OTUB2: variants seen among roughly 807,000 people sequenced by gnomAD.
OTUB2 encodes ubiquitin thioesterase OTUB2.
Under a neutral mutation model 25.1 loss-of-function variants are expected in OTUB2, and 21 were observed. That is an observed-to-expected ratio of 0.84 (90% CI 0.59 to 1.21). OTUB2 has a LOEUF of 1.21. Among genes scored for constraint, OTUB2 ranks in the 50% most tolerant of loss-of-function variants. The probability of loss-of-function intolerance (pLI) is 0.00; values close to 1 mark genes in which losing one functional copy is unlikely to be tolerated. For missense variants in OTUB2, 283 were observed against 298.0 expected, an observed-to-expected ratio of 0.95 and a Z score of 0.37; for synonymous variants, 122 against 122.8, an observed-to-expected ratio of 0.99 and a Z score of 0.04.
Position 94,026,467 on chromosome 14 carries a change from G to C in OTUB2, c.-71G>C, listed in dbSNP as rs1224874272. On this transcript the variant is annotated 5_prime_UTR_variant, in exon 1 of 6. Transcript: ENST00000203664. ...CGAACCAGCGGCGGAGCCCGCCCGC[G>C]CCTCCCGCGGCATTCCCGCACCGGA... is the stretch of plus-strand genomic sequence containing the variant. 5 of 1,322,672 alleles carry C rather than the reference G, an allele frequency of 3.8e-6. No individual in the cohort carries two copies. In the African/African-American group the frequency reaches 4.6e-5, roughly 12 times the overall value. 81.9% of individuals were successfully genotyped at this position (1,322,672 alleles called of 1,614,324 possible). A position where few individuals can be genotyped will look rare whatever the true frequency, so the allele number is the denominator to read the frequency against.
At chr14:94,042,755 C>A (rs557431297) in intron 3 of OTUB2, among the ~76,000 whole-genome samples, 1 of 152,174 alleles carries the variant, frequency 6.6e-6, no homozygotes, top group Non-Finnish European at 1.5e-5. Context: ...GGAGGGGAAA[C>A]CTAGGCAGCA....
chr14:94,039,863 C>G (rs774034149), intron 3 of OTUB2, among the ~76,000 whole-genome samples: 37 of 152,188 alleles, frequency 2.4e-4, no homozygotes, highest in South Asian at 4.1e-4. Flanking sequence ...GAGACCCGCA[C>G]CGACATGCTC....
chr14:94,033,312 C>G (rs1390598349), intron 1 of OTUB2, among the ~76,000 whole-genome samples: 1 of 152,202 alleles, frequency 6.6e-6, no homozygotes. Flanking sequence ...CCTAACTTGA[C>G]TTTCCTGGCA....
intron 1 of OTUB2, among the ~76,000 whole-genome samples, chr14:94,027,033 C>G (rs1884878236): frequency 6.6e-6 from 1 of 152,230 alleles, no homozygotes; most frequent in African/African-American, 2.4e-5. Context: ...GCTCCGTGGG[C>G]GACTAGACCG....
At chr14:94,042,589 C>A (rs549568683) in intron 3 of OTUB2, among the ~76,000 whole-genome samples, 3 of 152,178 alleles carry the variant, frequency 2.0e-5, no homozygotes, top group African/African-American at 7.2e-5. Flanking sequence ...CTTGGAGCAG[C>A]CCTGGAGGAC....
At chr14:94,031,961 C>T (rs759696888) in intron 1 of OTUB2, among the ~76,000 whole-genome samples, 4 of 152,278 alleles carry the variant, frequency 2.6e-5, no homozygotes, top group East Asian at 1.9e-4. Flanking sequence ...AAAGCAATCA[C>T]GAATGAGAGT....
chr14:94,044,102 G>A, intron 4 of OTUB2, 47 bp downstream of exon 4: 2 of 1,557,552 alleles, frequency 1.3e-6, no homozygotes, highest in East Asian at 2.2e-5. Context: ...GCAGACAGGA[G>A]TGGGCACTGG....
At chr14:94,042,280 G>A (rs537646826) in intron 3 of OTUB2, among the ~76,000 whole-genome samples, 14 of 152,188 alleles carry the variant, frequency 9.2e-5, no homozygotes, top group East Asian at 1.9e-4. Context: ...CAGCCCCAGC[G>A]GTCTGAACTT....
intron 1 of OTUB2, among the ~76,000 whole-genome samples, chr14:94,034,140 TGAAGGAAGTG>T (rs1408691187): frequency 6.6e-6 from 1 of 152,242 alleles, no homozygotes; most frequent in Non-Finnish European, 1.5e-5. Context: ...TCAGAAGGCT[TGAAGGAAGTG>T]GAACGGCAAA....
chr14:94,045,481 T>G (rs888091423), intron 5 of OTUB2, among the ~76,000 whole-genome samples: 1 of 152,226 alleles, frequency 6.6e-6, no homozygotes, highest in Non-Finnish European at 1.5e-5. Flanking sequence ...AGGTCTAGAA[T>G]GGAAAAGATT....
intron 2 of OTUB2, among the ~76,000 whole-genome samples, chr14:94,038,414 A>G (rs1290983961): frequency 6.6e-6 from 1 of 152,036 alleles, no homozygotes; most frequent in African/African-American, 2.4e-5. Context: ...CTATGGGGGG[A>G]ACAGGAACTC....
chr14:94,044,851 C>T (rs868044392), intron 5 of OTUB2, 71 bp downstream of exon 5: 2 of 1,440,974 alleles, frequency 1.4e-6, no homozygotes, highest in Non-Finnish European at 1.9e-6. Flanking sequence ...ACTTCAGCAC[C>T]CATCCGTAGC....
intron 1 of OTUB2, among the ~76,000 whole-genome samples, chr14:94,033,927 A>C: frequency 6.6e-6 from 1 of 152,248 alleles, no homozygotes; most frequent in East Asian, 1.9e-4. Flanking sequence ...ATGATTTAGA[A>C]TAGACCAAAA....
chr14:94,029,707 A>G (rs985835601), intron 1 of OTUB2, among the ~76,000 whole-genome samples: 1 of 152,264 alleles, frequency 6.6e-6, no homozygotes, highest in East Asian at 1.9e-4. Flanking sequence ...AGTTCAACCC[A>G]TAACACTCCG....
chr14:94,029,696 C>T (rs1473039091), intron 1 of OTUB2, among the ~76,000 whole-genome samples: 2 of 152,208 alleles, frequency 1.3e-5, no homozygotes, highest in African/African-American at 4.8e-5. Context: ...TGGGGGGACA[C>T]AGTTCAACCC....
chr14:94,028,332 G>A (rs374256534), intron 1 of OTUB2, among the ~76,000 whole-genome samples: 6 of 152,308 alleles, frequency 3.9e-5, no homozygotes, highest in East Asian at 1.9e-4. Flanking sequence ...TTTTTATGTT[G>A]AACTTGCATT....
chr14:94,043,929 C>A, intron 3 of OTUB2, 42 bp from the exon 4 acceptor site: 1 of 1,553,812 alleles, frequency 6.4e-7, no homozygotes, highest in Non-Finnish European at 8.9e-7. Flanking sequence ...ACAGCACTCT[C>A]GCTGTGTTTC....
chr14:94,035,170 A>G (rs77724640), intron 1 of OTUB2, among the ~76,000 whole-genome samples: 2,873 of 152,188 alleles, frequency 0.019, 85 homozygotes, highest in East Asian at 0.086. Context: ...ACAGAGTGGA[A>G]GCTTCTGGAA....
chr14:94,032,390 T>C (rs1884980720), intron 1 of OTUB2, among the ~76,000 whole-genome samples: 1 of 152,208 alleles, frequency 6.6e-6, no homozygotes, highest in Non-Finnish European at 1.5e-5. Flanking sequence ...TACAAGTCTG[T>C]ATTTTTTAAA....
Sources: gnomAD v4.1 joint callset for allele counts (sites outside exome capture counted in the v4.1 genomes callset) on GRCh38, gnomAD v4.1.1 for gene constraint, MANE v1.5 for transcripts, NCBI Gene and HGNC (gene_info 2026-07-23, HGNC 2026-07-21) for gene names.